The following ZNF841 variants were observed in gnomAD, a reference collection of about 807,000 sequenced individuals.
ZNF841 encodes zinc finger protein 841.
Under a neutral mutation model 13.0 loss-of-function variants are expected in ZNF841, and 11 were observed. The observed-to-expected ratio is 0.85, with a 90% CI of 0.53 to 1.40. The LOEUF is 1.40. ZNF841 is among the 40% of genes most tolerant of loss of function. The pLI is 0.00. For synonymous variants in ZNF841, 369 were observed against 381.6 expected (o/e 0.97, Z 0.38); for missense variants, 1,068 against 1,139.5 (o/e 0.94, Z 0.90).
intron 6 of ZNF841, 94 bp downstream of exon 6, chr19:52,075,950 T>G: frequency 6.9e-7 from 1 of 1,455,354 alleles, no homozygotes; most frequent in Non-Finnish European, 9.1e-7. Flanking sequence ...TCACAGAAAA[T>G]CAAATTTGTT....
chr19:52,094,508 C>T (rs1367748754), intron 1 of ZNF841, among the ~76,000 whole-genome samples: 1 of 152,108 alleles, frequency 6.6e-6, no homozygotes, highest in East Asian at 1.9e-4. Flanking sequence ...AGCTCTTTCT[C>T]CCCAATCTTT....
chr19:52,080,314 G>A (rs190341447), intron 4 of ZNF841, among the ~76,000 whole-genome samples: 26 of 152,176 alleles, frequency 1.7e-4, no homozygotes, highest in Admixed American at 1.4e-3. Context: ...TAATTGCCTC[G>A]GGGATAAATC....
chr19:52,067,083 C>G lies in ZNF841; in HGVS notation c.799G>C (p.Gly267Arg). The change falls in exon 7 of 7, where the codon GGC (glycine) becomes CGC (arginine). Residue 267 changes from glycine to arginine, a missense_variant. Coordinates refer to ENST00000594440, the MANE Select transcript of ZNF841 (RefSeq NM_001136499.2). Reference protein sequence around the residue: ...REKPYIGNECGKAFRVSSSLI... With the variant: ...REKPYIGNECRKAFRVSSSLI... The stretch of plus-strand genomic sequence containing the variant: ...CTTGAAGACACTCTGAAGGCTTTGC[C>G]ACACTCATTACCTATGTAAGGTTTT... 9 of 1,604,384 alleles carry G rather than the reference C, an allele frequency of 5.6e-6. No individual in the cohort carries two copies. Among genetic ancestry groups the G allele is most frequent in the Non-Finnish European group, 7.7e-6 (9 of 1,174,568 alleles).
intron 6 of ZNF841, among the ~76,000 whole-genome samples, chr19:52,068,704 C>T (rs1248504021): frequency 1.3e-5 from 2 of 149,726 alleles, no homozygotes; most frequent in African/African-American, 2.5e-5. Context: ...GGTATGGTGG[C>T]TCAGACCTAT....
chr19:52,086,030 T>G (rs1318540901), intron 3 of ZNF841, among the ~76,000 whole-genome samples: 3 of 152,140 alleles, frequency 2.0e-5, no homozygotes, highest in Non-Finnish European at 4.4e-5. Flanking sequence ...TGCAGGGGAA[T>G]GTACTTGGTG....
chr19:52,075,733 C>T (rs1025887784), intron 6 of ZNF841, among the ~76,000 whole-genome samples: 13 of 152,272 alleles, frequency 8.5e-5, no homozygotes, highest in African/African-American at 2.6e-4. Context: ...AGAGACCACA[C>T]GGGAAAGAGA....
rs1441667959 is a variant in ZNF841, at chr19:52,076,116, A to G, written c.199T>C (p.Trp67Arg). 6.4e-7 allele frequency: 1 copy of G among 1,557,222 alleles called. No individual in the cohort carries two copies. Among genetic ancestry groups the G allele is most frequent in the South Asian group, 1.2e-5 (1 of 84,444 alleles). The change falls in exon 6 of 7, where the codon TGG (tryptophan) becomes CGG (arginine). Residue 67 changes from tryptophan to arginine, a missense_variant. By Grantham distance (101) the Trp-to-Arg change is moderately radical. Transcript: ENST00000594440. ...ISMLEQGKEP[W>R]TVVSQVKIAR... Reference sequence around the variant, plus strand: ...ATTTTCACTTGGCTCACCACAGTCCAGGGCTCTTTCCCTTGCTCCAACATG... The same window carrying G: ...ATTTTCACTTGGCTCACCACAGTCCGGGGCTCTTTCCCTTGCTCCAACATG...
In ZNF841 at chr19:52,067,067, A is replaced by G. The variant is rs2087597940; in HGVS notation, c.815T>C (p.Val272Ala). 6.2e-7 allele frequency: 1 copy of G among 1,608,778 alleles called. No individual in the cohort carries two copies. Among genetic ancestry groups the G allele is most frequent in the African/African-American group, 1.3e-5 (1 of 74,742 alleles). The stretch of plus-strand genomic sequence containing the variant: ...CTGATGATTAATAAGACTTGAAGAC[A>G]CTCTGAAGGCTTTGCCACACTCATT... Reference protein sequence around the residue: ...IGNECGKAFRVSSSLINHQMI... With the variant: ...IGNECGKAFRASSSLINHQMI... The change falls in exon 7 of 7, where the codon GTG becomes GCG. Residue 272 changes from valine (V) to alanine (A), a missense_variant. Val to Ala is a moderately conservative substitution (Grantham distance 64). Coordinates refer to ENST00000594440, the MANE Select transcript of ZNF841 (RefSeq NM_001136499.2).
chr19:52,083,666 T>G (rs12460587), intron 4 of ZNF841, among the ~76,000 whole-genome samples: 24,646 of 152,044 alleles, frequency 0.16, 2,565 homozygotes, highest in East Asian at 0.38. Context: ...GTTCTTTTTT[T>G]AGGTTATGAA....
intron 4 of ZNF841, among the ~76,000 whole-genome samples, chr19:52,080,013 A>G (rs1045218331): frequency 1.5e-4 from 23 of 151,590 alleles, no homozygotes; most frequent in Non-Finnish European, 2.4e-4. Flanking sequence ...AAAAAAAAAA[A>G]AGAGATAACA....
At chr19:52,094,393 AT>A (rs1319715774) in intron 1 of ZNF841, among the ~76,000 whole-genome samples, 1 of 151,968 alleles carries the variant, frequency 6.6e-6, no homozygotes, top group Admixed American at 6.6e-5. Context: ...TCCCTCTCTC[AT>A]TCTGAGCGTC....
At chr19:52,071,124 T>A (rs547715553) in intron 6 of ZNF841, among the ~76,000 whole-genome samples, 1 of 152,242 alleles carries the variant, frequency 6.6e-6, no homozygotes, top group East Asian at 1.9e-4. Context: ...ACATGAGAAT[T>A]ATACTATGGG....
intron 1 of ZNF841, among the ~76,000 whole-genome samples, chr19:52,094,904 A>G (rs1217047855): frequency 6.6e-6 from 1 of 150,956 alleles, no homozygotes; most frequent in Non-Finnish European, 1.5e-5. Flanking sequence ...TACTTTTTCC[A>G]TCCGTTCTCT....
chr19:52,095,102 G>A (rs1057355224), intron 1 of ZNF841, among the ~76,000 whole-genome samples: 2 of 152,190 alleles, frequency 1.3e-5, no homozygotes, highest in South Asian at 4.1e-4. Flanking sequence ...CCTCCCGGAA[G>A]AGCACATTTT....
intron 3 of ZNF841, among the ~76,000 whole-genome samples, chr19:52,086,504 G>C (rs1045017793): frequency 2.6e-5 from 4 of 152,164 alleles, no homozygotes; most frequent in Non-Finnish European, 5.9e-5. Context: ...GCAGCCTGCA[G>C]AACTGTGAGC....
At chr19:52,062,245 C>A (rs2087415269), downstream of ZNF841, among the ~76,000 whole-genome samples, 1 of 152,132 alleles carries the variant, frequency 6.6e-6, no homozygotes, top group Admixed American at 6.5e-5. Context: ...ATTTGAGAAT[C>A]TTGTCTGTAT....
At position 52,065,979 on chromosome 19, in the gene ZNF841, T is replaced by G; in HGVS notation, c.1903A>C (p.Ser635Arg). ...FQCNECGKVF[S>R]YYSCLARHRK... ...TGACGTGCTAGGCATGAGTAGTAAC[T>G]GAAGACCTTGCCGCATTCGTTACAC... Residue 635 changes from serine (S) to arginine (R), a missense_variant, in exon 7 of 7, where the codon AGT becomes CGT. By Grantham distance (110) the Ser-to-Arg change is moderately radical. Transcript: ENST00000594440. 6.2e-7 allele frequency: 1 copy of G among 1,614,172 alleles called. No homozygotes were observed. The highest frequency in any genetic ancestry group is 8.5e-7 in the Non-Finnish European group (1 of 1,179,994).
chr19:52,066,829 G>A lies in ZNF841; in HGVS notation c.1053C>T (p.Gly351=). The A allele has an allele frequency of 6.2e-7, 1 of 1,614,122 alleles. No individual in the cohort carries two copies. Among genetic ancestry groups the A allele is most frequent in the Non-Finnish European group, 8.5e-7 (1 of 1,180,020 alleles). The change falls in exon 7 of 7, where the codon GGC becomes GGT. Residue 351 remains glycine (G), a synonymous_variant. Transcript: ENST00000594440. ...GDKPYICNEC[G]KSFSKSSHLA... is the part of the protein sequence containing the mutation. Reference sequence around the variant, plus strand: ...GGTGGGAACTTTTACTAAAGGACTTGCCACATTCATTACATATGTAGGGTT... The same window carrying A: ...GGTGGGAACTTTTACTAAAGGACTTACCACATTCATTACATATGTAGGGTT...
rs556392103 is a variant in ZNF841 at position 52,084,902 on chromosome 19, T to C, written c.-77-24A>G. ...ATCTGAAAGTCAAAAATATGTTGTT[T>C]AATCCTTGGAAACAACACATTCCTT... On this transcript the variant is annotated intron_variant, in intron 3 of 6. Transcript: ENST00000594440. 14 of 1,311,576 alleles carry C rather than the reference T, an allele frequency of 1.1e-5. No individual in the cohort carries two copies. In the African/African-American group the frequency reaches 2.1e-4, roughly 20 times the overall value. 81.2% of individuals were successfully genotyped at this position (1,311,576 alleles called of 1,614,324 possible). A position where few individuals can be genotyped will look rare whatever the true frequency, so the allele number is the denominator to read the frequency against.
Sources: gnomAD v4.1 joint callset for allele counts (sites outside exome capture counted in the v4.1 genomes callset) on GRCh38, gnomAD v4.1.1 for gene constraint, MANE v1.5 for transcripts, NCBI Gene and HGNC (gene_info 2026-07-23, HGNC 2026-07-21) for gene names.